Variants in PPFIBP2 observed in about 807,000 individuals in gnomAD.
PPFIBP2 encodes the protein liprin-beta-2.
A neutral mutation model predicts 118.3 loss-of-function variants in PPFIBP2; 118 were observed. The ratio of observed to expected loss-of-function variants is 1.00; its 90% CI spans 0.86 to 1.16. The LOEUF (loss-of-function observed/expected upper bound fraction) is 1.16, where lower values mean the gene tolerates loss of function less well. Ranked by LOEUF, PPFIBP2 falls within the 50% of genes most tolerant of loss-of-function variation. The pLI, the probability that PPFIBP2 is intolerant of heterozygous loss-of-function variation, is 0.00. For missense variants in PPFIBP2, 1,195 were observed against 1,073.1 expected (o/e 1.11, Z -1.59); for synonymous variants, 414 against 397.4 (o/e 1.04, Z -0.50).
intron 3 of PPFIBP2, among the ~76,000 whole-genome samples, chr11:7,565,978 G>C (rs1854924515): frequency 6.6e-6 from 1 of 152,092 alleles, no homozygotes; most frequent in Non-Finnish European, 1.5e-5. Flanking sequence ...GCCCTTCCAT[G>C]GTCCACAGTT....
At chr11:7,543,472 T>C (rs1590178897) in intron 1 of PPFIBP2, among the ~76,000 whole-genome samples, 1 of 152,204 alleles carries the variant, frequency 6.6e-6, no homozygotes, top group African/African-American at 2.4e-5. Flanking sequence ...GGCCCCTGTC[T>C]AGTGGCAGCT....
At position 7,610,395 on chromosome 11, in the gene PPFIBP2, G is replaced by T. The variant is rs567459862; in HGVS notation, c.591G>T (p.Glu197Asp). 35 of 1,614,088 alleles carry T rather than the reference G, an allele frequency of 2.2e-5. No homozygotes were observed. The South Asian group carries it at 3.5e-4, about 16-fold the overall frequency. Residue 197 changes from glutamate to aspartate, a missense_variant, in exon 6 of 24, where the codon GAG becomes GAT. Glu to Asp is a conservative substitution (Grantham distance 45). Coordinates refer to ENST00000299492, the MANE Select transcript of PPFIBP2 (RefSeq NM_003621.5). ...TTGGCATGGAGAAGGAGCAGAGAGAGCAGGAGGAGAAGCAGAGAAAAGCAG... is the reference window on the plus strand; with the variant it reads ...TTGGCATGGAGAAGGAGCAGAGAGATCAGGAGGAGAAGCAGAGAAAAGCAG... The part of the protein sequence containing the change: ...KLVGMEKEQR[E>D]QEEKQRKAEE...
chr11:7,577,327 G>T, intron 3 of PPFIBP2: 1 of 293,450 alleles, frequency 3.4e-6, no homozygotes, highest in African/African-American at 2.7e-5. Flanking sequence ...GTGCGTGTGT[G>T]TGTGTGTGTG....
At chr11:7,659,076 T>C (rs1192344745), downstream of PPFIBP2, among the ~76,000 whole-genome samples, 4 of 146,574 alleles carry the variant, frequency 2.7e-5, no homozygotes, top group Non-Finnish European at 6.0e-5. Context: ...GCGAAAATTT[T>C]CTCCCATTTT....
chr11:7,550,336 G>A (rs1852828796), intron 2 of PPFIBP2, among the ~76,000 whole-genome samples: 1 of 152,204 alleles, frequency 6.6e-6, no homozygotes, highest in African/African-American at 2.4e-5. Flanking sequence ...AGAGCGTGGA[G>A]GAAGGTATTG....
intron 14 of PPFIBP2, 58 bp downstream of exon 14, chr11:7,635,651 A>T: frequency 2.6e-6 from 4 of 1,528,852 alleles, no homozygotes; most frequent in Non-Finnish European, 3.6e-6. Flanking sequence ...CTAGTATTTT[A>T]ATTTAGCAAG....
chr11:7,614,466 T>A (rs751698467), intron 6 of PPFIBP2, among the ~76,000 whole-genome samples: 1 of 152,264 alleles, frequency 6.6e-6, no homozygotes, highest in African/African-American at 2.4e-5. Context: ...CATATCTATG[T>A]CTGCATATTG....
intron 6 of PPFIBP2, 111 bp downstream of exon 6, chr11:7,610,533 T>G: frequency 1.4e-6 from 2 of 1,420,854 alleles, no homozygotes; most frequent in South Asian, 2.5e-5. Context: ...GCCAGAAATA[T>G]CTATACACTA....
chr11:7,654,775 G>A (rs1854530312), downstream of PPFIBP2, among the ~76,000 whole-genome samples: 1 of 152,208 alleles, frequency 6.6e-6, no homozygotes. Context: ...TTCAAAACCT[G>A]CATGGAACTG....
chr11:7,642,406 G>T lies in PPFIBP2; in HGVS notation c.1626G>T (p.Arg542Ser). ...ATAGPRLSRTRDSKGQKSDAN... is the reference protein window; with the variant it reads ...ATAGPRLSRTSDSKGQKSDAN... ...CAGGGCCAAGACTCTCTAGGACCAG[G>T]GACTCCAAGGGACAGAAAAGGTAAG... Residue 542 changes from arginine (R) to serine (S), a missense_variant, in exon 17 of 24, where the codon AGG becomes AGT. Coordinates refer to ENST00000299492, the MANE Select transcript of PPFIBP2 (RefSeq NM_003621.5). 6.2e-7 allele frequency: 1 copy of T among 1,613,512 alleles called. No homozygotes were observed. The highest frequency in any genetic ancestry group is 1.1e-5 in the South Asian group (1 of 90,952).
chr11:7,531,751 A>G (rs1403899540), intron 1 of PPFIBP2, among the ~76,000 whole-genome samples: 3 of 151,720 alleles, frequency 2.0e-5, no homozygotes, highest in African/African-American at 7.3e-5. Context: ...TCTCACAATT[A>G]TGGAGGCCAG....
Position 7,634,596 on chromosome 11 carries a change from T to C in PPFIBP2, c.1194+44T>C, listed in dbSNP as rs1476723435. On this transcript the variant is annotated intron_variant, in intron 13 of 23. Coordinates refer to ENST00000299492, the MANE Select transcript of PPFIBP2 (RefSeq NM_003621.5). The stretch of plus-strand genomic sequence containing the variant: ...CCTTAAAGATGACTGAGTTACTTTT[T>C]TGGGCCTAGCATAGTACTGGGATAT... The C allele has an allele frequency of 2.6e-6, 4 of 1,523,588 alleles. No homozygotes were observed. In the African/African-American group the frequency reaches 4.1e-5, roughly 16 times the overall value. The allele number at this position is 1,523,588 out of a possible 1,614,324, so 94.4% of individuals were successfully genotyped here.
chr11:7,638,720 T>G (rs1317647314), intron 14 of PPFIBP2, among the ~76,000 whole-genome samples: 1 of 152,238 alleles, frequency 6.6e-6, no homozygotes, highest in Non-Finnish European at 1.5e-5. Flanking sequence ...AATTTCTCTT[T>G]TCTTTTATTC....
chr11:7,658,272 A>C, downstream of PPFIBP2, among the ~76,000 whole-genome samples: 2 of 141,252 alleles, frequency 1.4e-5, no homozygotes, highest in African/African-American at 5.5e-5. Flanking sequence ...CATTAGGTAT[A>C]TCTCCAGGTG....
intron 2 of PPFIBP2, among the ~76,000 whole-genome samples, chr11:7,550,848 C>G (rs751993027): frequency 6.6e-6 from 1 of 152,122 alleles, no homozygotes; most frequent in Admixed American, 6.6e-5. Context: ...AAAGTCTAGA[C>G]TAGCTTAGCC....
In PPFIBP2 at chr11:7,558,753, C is replaced by CG. The variant is rs1554951948; in HGVS notation, c.65-6800_65-6799insG. Among the ~76,000 whole-genome samples, 752 of 133,674 alleles carry CG rather than the reference C, an allele frequency of 5.6e-3. 15 individuals are homozygous for CG. Among genetic ancestry groups the CG allele is most frequent in the African/African-American group, 0.019 (712 of 37,908 alleles). The allele number at this position is 133,674 out of a possible 152,430, so 87.7% of individuals were successfully genotyped here. A position where few individuals can be genotyped will look rare whatever the true frequency, so the allele number is the denominator to read the frequency against. On this transcript the variant is annotated intron_variant, in intron 2 of 23. Coordinates refer to ENST00000299492, the MANE Select transcript of PPFIBP2 (RefSeq NM_003621.5). ...CCTGGGTAACAGAGCAACTCTGTCT[C>CG]AAAAAAAAAAAAAGAAAGAAAAAAA... is the stretch of plus-strand genomic sequence containing the variant.
chr11:7,645,004 G>A (rs1852802722), intron 17 of PPFIBP2, among the ~76,000 whole-genome samples: 1 of 119,216 alleles, frequency 8.4e-6, no homozygotes, highest in Admixed American at 1.1e-4. Context: ...TCCAGCCTGG[G>A]CGACAGAGCA....
intron 1 of PPFIBP2, among the ~76,000 whole-genome samples, chr11:7,546,522 C>G (rs944044628): frequency 6.6e-6 from 1 of 152,168 alleles, no homozygotes; most frequent in Non-Finnish European, 1.5e-5. Flanking sequence ...GTTTGACACC[C>G]TGTCATGTTT....
At chr11:7,648,317 T>G in intron 17 of PPFIBP2, 70 bp from the exon 18 acceptor site, 10 of 1,481,414 alleles carry the variant, frequency 6.8e-6, no homozygotes, top group Admixed American at 2.1e-5. Flanking sequence ...CTTTTGTTTG[T>G]GAGACATGAT....
Sources: gnomAD v4.1 joint callset for allele counts (sites outside exome capture counted in the v4.1 genomes callset) on GRCh38, gnomAD v4.1.1 for gene constraint, MANE v1.5 for transcripts, NCBI Gene and HGNC (gene_info 2026-07-23, HGNC 2026-07-21) for gene names.